ROS1: variants seen among roughly 807,000 people sequenced by gnomAD.
ROS1 encodes the protein ROS proto-oncogene 1, receptor tyrosine kinase, also known as proto-oncogene tyrosine-protein kinase ROS.
Under a neutral mutation model 273.5 loss-of-function variants are expected in ROS1, and 263 were observed. The ratio of observed to expected loss-of-function variants is 0.96; its 90% CI spans 0.87 to 1.06. The LOEUF (loss-of-function observed/expected upper bound fraction) is 1.06, where lower values mean the gene tolerates loss of function less well. Among genes scored for constraint, ROS1 ranks in the 50% least tolerant of loss-of-function variants. The pLI is 0.00. For missense variants in ROS1, 2,833 were observed against 2,751.1 expected, an observed-to-expected ratio of 1.03 and a Z score of -0.67; for synonymous variants, 1,008 against 954.1, an observed-to-expected ratio of 1.06 and a Z score of -1.04.
chr6:117,321,304 C>T lies in ROS1; in HGVS notation c.5714G>A (p.Gly1905Asp), dbSNP rs1195494731. Residue 1905 changes from glycine to aspartate, a missense_variant, in exon 36 of 44, where the codon GGT becomes GAT. By Grantham distance (94) the Gly-to-Asp change is moderately conservative (BLOSUM62 -1). Transcript: ENST00000368507. Reference sequence around the variant, plus strand: ...AGCCAGGCCTACTCCGGCTGCCAGACCTCGCAGCTCAGCCAACTCTTTGTC... The same window carrying T: ...AGCCAGGCCTACTCCGGCTGCCAGATCTCGCAGCTCAGCCAACTCTTTGTC... ...NEDKELAELRGLAAGVGLANA... is the reference protein window; with the variant it reads ...NEDKELAELRDLAAGVGLANA... 2 of 1,613,828 alleles carry T rather than the reference C, an allele frequency of 1.2e-6. No individual in the cohort carries two copies. The highest frequency in any genetic ancestry group is 1.7e-4 in the Middle Eastern group (1 of 6,060).
intron 39 of ROS1, among the ~76,000 whole-genome samples, chr6:117,313,115 A>G (rs567634739): frequency 1.3e-5 from 2 of 152,326 alleles, no homozygotes; most frequent in South Asian, 4.1e-4. Flanking sequence ...CTTGAGTGCA[A>G]GAACTACATC....
At chr6:117,304,795 AG>A (rs1198449767) in intron 42 of ROS1, among the ~76,000 whole-genome samples, 3 of 152,098 alleles carry the variant, frequency 2.0e-5, no homozygotes, top group Admixed American at 2.0e-4. Context: ...GTGTTGGAGG[AG>A]GGGCCTGGTG....
intron 8 of ROS1, 38 bp from the exon 9 acceptor site, chr6:117,396,302 G>C: frequency 7.3e-7 from 1 of 1,377,522 alleles, no homozygotes; most frequent in South Asian, 1.2e-5. Context: ...TGTTTCACAT[G>C]GCATGGTGTG....
intron 35 of ROS1, among the ~76,000 whole-genome samples, chr6:117,323,175 T>A (rs896902431): frequency 3.3e-5 from 5 of 152,012 alleles, no homozygotes; most frequent in African/African-American, 1.2e-4. Flanking sequence ...CCTGGCAGGG[T>A]CAGCTGAAAT....
intron 43 of ROS1, among the ~76,000 whole-genome samples, chr6:117,300,591 G>T (rs183444292): frequency 6.6e-6 from 1 of 152,110 alleles, no homozygotes. Context: ...CAAGACAGGA[G>T]CCCTGCATAG....
intron 32 of ROS1, among the ~76,000 whole-genome samples, chr6:117,329,892 C>T (rs6914365): frequency 0.019 from 2,951 of 152,280 alleles, 62 homozygotes; most frequent in East Asian, 0.061. Flanking sequence ...AGCATCCCAA[C>T]CCTAGAATGT....
intron 43 of ROS1, among the ~76,000 whole-genome samples, chr6:117,297,375 A>T (rs907225398): frequency 2.6e-5 from 4 of 152,208 alleles, no homozygotes; most frequent in African/African-American, 9.6e-5. Context: ...AATGTGACTT[A>T]ATTAAGCTAA....
chr6:117,351,083 A>G (rs922302103), intron 27 of ROS1, among the ~76,000 whole-genome samples: 7 of 152,198 alleles, frequency 4.6e-5, no homozygotes. Flanking sequence ...GTACTGGGTG[A>G]AAGCAACTGC....
At chr6:117,306,436 T>C (rs1363180942) in intron 42 of ROS1, among the ~76,000 whole-genome samples, 2 of 152,284 alleles carry the variant, frequency 1.3e-5, no homozygotes, top group Admixed American at 6.5e-5. Flanking sequence ...AGATTGCCCT[T>C]TGATCCCATT....
In ROS1 at chr6:117,409,622, G is replaced by A. The variant is rs2128735125; in HGVS notation, c.276C>T (p.Gly92=). The A allele has an allele frequency of 6.2e-7, 1 of 1,613,910 alleles. No homozygotes were observed. ...TVCERESCEV[G]CSSAEGAYEE... ...CATATGCACCTTCCGCGCTGCTACA[G>A]CCAACCTCACACGACTCCCGCTGTG... is the stretch of plus-strand genomic sequence containing the variant. The change falls in exon 5 of 44, where the codon GGC becomes GGT. Residue 92 remains glycine (G), a synonymous_variant. Transcript: ENST00000368507.
At chr6:117,308,998 C>A (rs1775329267) in intron 41 of ROS1, 70 bp from the exon 42 acceptor site, 2 of 1,486,392 alleles carry the variant, frequency 1.3e-6, no homozygotes, top group South Asian at 2.4e-5. Flanking sequence ...GTTTCTCCAA[C>A]AACATTTTTC....
chr6:117,339,561 C>A (rs1252006944), intron 31 of ROS1, among the ~76,000 whole-genome samples: 1 of 152,110 alleles, frequency 6.6e-6, no homozygotes, highest in Non-Finnish European at 1.5e-5. Flanking sequence ...AAAGAGACAG[C>A]ACTTTCTGAC....
chr6:117,307,263 T>TTCAAAG (rs1775176143), intron 42 of ROS1, among the ~76,000 whole-genome samples: 1 of 152,078 alleles, frequency 6.6e-6, no homozygotes, highest in Non-Finnish European at 1.5e-5. Context: ...AGTGATCAAT[T>TTCAAAG]TCAAAGCTGC....
intron 18 of ROS1, among the ~76,000 whole-genome samples, chr6:117,378,821 C>T (rs1781551594): frequency 6.6e-6 from 1 of 152,134 alleles, no homozygotes; most frequent in South Asian, 2.1e-4. Flanking sequence ...TTCCTGGGCT[C>T]TTAAGCAGCA....
At chr6:117,385,555 T>C (rs1772498289) in intron 16 of ROS1, 128 bp downstream of exon 16, 3 of 816,662 alleles carry the variant, frequency 3.7e-6, no homozygotes, top group Non-Finnish European at 3.8e-6. Flanking sequence ...GGTTTAAAGA[T>C]AAACATTAAA....
chr6:117,425,574 G>A lies in ROS1; in HGVS notation c.83C>T (p.Thr28Ile). ...CGACTTTAGGCAGCTATTTAAAACT[G>A]TACACTGCACCACAGAAATCCATAG... ...GCLWISVVQC[T>I]VLNSCLKSCV... Residue 28 changes from threonine to isoleucine, a missense_variant, in exon 1 of 44, where the codon ACA (threonine) becomes ATA (isoleucine). Transcript: ENST00000368507. 6.2e-7 allele frequency: 1 copy of A among 1,610,818 alleles called. No homozygotes were observed. The highest frequency in any genetic ancestry group is 2.2e-5 in the East Asian group (1 of 44,740).
chr6:117,394,792 C>T, intron 9 of ROS1, 54 bp from the exon 10 acceptor site: 1 of 1,501,338 alleles, frequency 6.7e-7, no homozygotes, highest in Non-Finnish European at 8.9e-7. Context: ...GGTACACTAA[C>T]AGACACAAAA....
At chr6:117,307,552 A>G (rs1463075522) in intron 42 of ROS1, among the ~76,000 whole-genome samples, 1 of 152,098 alleles carries the variant, frequency 6.6e-6, no homozygotes, top group African/African-American at 2.4e-5. Context: ...TCCTTAATTT[A>G]TATAATTTTT....
chr6:117,308,500 T>C (rs663474), intron 42 of ROS1, among the ~76,000 whole-genome samples: 111,591 of 151,030 alleles, frequency 0.74, 41,392 homozygotes, highest in African/African-American at 0.82. Flanking sequence ...CACACACACA[T>C]ACACTCGGAG....
Sources: allele counts gnomAD v4.1 joint callset (sites outside exome capture counted in the v4.1 genomes callset), GRCh38; gene constraint gnomAD v4.1.1; transcripts MANE v1.5; gene names NCBI Gene and HGNC (gene_info 2026-07-23, HGNC 2026-07-21).